Variants in OR2I1 observed in about 807,000 individuals in gnomAD.
OR2I1 encodes the protein putative olfactory receptor 2I1.
chr6:29,553,596 C>T, the OR2I1 span: 4 of 398,268 alleles, frequency 1.0e-5, no homozygotes, highest in African/African-American at 8.2e-5. Flanking sequence ...CCGCAGTGTG[C>T]CGCCCGCTGC....
the OR2I1 span, chr6:29,553,970 T>C: frequency 5.0e-6 from 2 of 398,442 alleles, no homozygotes; most frequent in Non-Finnish European, 8.8e-6. Context: ...GTCTGCCTGT[T>C]CTACGGCTCG....
At chr6:29,553,261 G>A in the OR2I1 span, 2 of 398,910 alleles carry the variant, frequency 5.0e-6, no homozygotes, top group Non-Finnish European at 8.8e-6. Context: ...TCTCCTGCTG[G>A]GTTTCTCCGA....
chr6:29,553,343 C>T, the OR2I1 span: 2 of 399,414 alleles, frequency 5.0e-6, no homozygotes, highest in East Asian at 3.6e-5. Flanking sequence ...ACGGGCAACT[C>T]GGCGCTGGTG....
chr6:29,556,584 A>G, the OR2I1 span: 1 of 521,246 alleles, frequency 1.9e-6, no homozygotes, highest in Non-Finnish European at 3.4e-6. Context: ...GATCTTGAGA[A>G]TGGAAAATAA....
At chr6:29,556,477 T>A in the OR2I1 span, 1 of 632,494 alleles carries the variant, frequency 1.6e-6, no homozygotes, top group East Asian at 2.7e-5. Context: ...CAGTAGCCAG[T>A]GTCCCTCTCT....
the OR2I1 span, chr6:29,553,597 C>T: frequency 5.0e-6 from 2 of 398,260 alleles, no homozygotes; most frequent in African/African-American, 2.1e-5. Context: ...CGCAGTGTGC[C>T]GCCCGCTGCG....
the OR2I1 span, chr6:29,553,512 C>G: frequency 0.099 from 39,449 of 398,620 alleles, 5,838 homozygotes; most frequent in African/African-American, 0.44. Flanking sequence ...ACTGCACGGC[C>G]CAGCTGTGCG....
At chr6:29,556,380 C>G in the OR2I1 span, 106 of 1,565,608 alleles carry the variant, frequency 6.8e-5, 1 homozygote, top group Middle Eastern at 8.4e-4. Context: ...AGACAGTTAC[C>G]TAGGATGCCT....
chr6:29,552,584 T>TCTATGAATTGGGCAGCTCCAAG, the OR2I1 span, among the ~76,000 whole-genome samples: 1 of 151,960 alleles, frequency 6.6e-6, no homozygotes, highest in African/African-American at 2.4e-5. Context: ...TGAGCAGTGA[T>TCTATGAATTGGGCAGCTCCAAG]CCAGAAGTGG....
chr6:29,555,670 A>T, the OR2I1 span: 2 of 570,652 alleles, frequency 3.5e-6, no homozygotes, highest in Admixed American at 3.2e-5. Context: ...GTAATACATT[A>T]GTAAAAATCA....
chr6:29,554,303 A>G, the OR2I1 span: 1 of 397,390 alleles, frequency 2.5e-6, no homozygotes. Flanking sequence ...AATGGGGGAT[A>G]TGTTTTCCTC....
chr6:29,556,474 C>G, the OR2I1 span: 2 of 639,544 alleles, frequency 3.1e-6, no homozygotes, highest in South Asian at 4.2e-5. Context: ...ATTCAGTAGC[C>G]AGTGTCCCTC....
At chr6:29,557,694 G>A in the OR2I1 span, 1 of 152,168 alleles carries the variant, frequency 6.6e-6, no homozygotes, top group Non-Finnish European at 1.5e-5. Flanking sequence ...TCAATCAGAA[G>A]CAAAACTTCC....
chr6:29,555,619 G>T, the OR2I1 span: 1 of 469,308 alleles, frequency 2.1e-6, no homozygotes, highest in Non-Finnish European at 3.7e-6. Flanking sequence ...AGCTGGCTTT[G>T]AATGCTCTAT....
the OR2I1 span, chr6:29,557,641 T>G: frequency 1.3e-5 from 2 of 152,314 alleles, no homozygotes; most frequent in Non-Finnish European, 2.9e-5. Flanking sequence ...CAGCATAAAT[T>G]CCTGTGTCAC....
At chr6:29,555,815 C>T in the OR2I1 span, 1,126 of 1,297,954 alleles carry the variant, frequency 8.7e-4, 1 homozygote, top group Non-Finnish European at 1.0e-3. Flanking sequence ...AAGATGTGTT[C>T]GTTGAGTAAG....
chr6:29,556,134 TCAC>T, the OR2I1 span: 1 of 1,613,152 alleles, frequency 6.2e-7, no homozygotes, highest in South Asian at 1.1e-5. Flanking sequence ...TCACTGGGCT[TCAC>T]CACTTTCAGG....
chr6:29,556,648 A>C, the OR2I1 span: 5 of 391,064 alleles, frequency 1.3e-5, no homozygotes, highest in African/African-American at 1.0e-4. Context: ...GGGGGACCCT[A>C]GAGAAACTTT....
At chr6:29,553,803 C>T in the OR2I1 span, 2 of 398,564 alleles carry the variant, frequency 5.0e-6, no homozygotes, top group Non-Finnish European at 8.8e-6. Context: ...GAGACACTAC[C>T]GAGAACCAGA....
Sources: gnomAD v4.1 joint callset for allele counts (sites outside exome capture counted in the v4.1 genomes callset) on GRCh38, gnomAD v4.1.1 for gene constraint, MANE v1.5 for transcripts, NCBI Gene and HGNC (gene_info 2026-07-23, HGNC 2026-07-21) for gene names.